The following PDE11A variants were observed in gnomAD, a reference collection of about 807,000 sequenced individuals.
The protein encoded by PDE11A is phosphodiesterase 11A, also known as dual 3',5'-cyclic-AMP and -GMP phosphodiesterase 11A.
A neutral mutation model predicts 100.5 loss-of-function variants in PDE11A; 100 were observed. That is an observed-to-expected ratio of 1.00 (90% CI 0.85 to 1.18). The LOEUF (loss-of-function observed/expected upper bound fraction) is 1.18. Among genes scored for constraint, PDE11A ranks in the 50% most tolerant of loss-of-function variants. The pLI is 0.00. For synonymous variants in PDE11A, 381 were observed against 420.8 expected (o/e 0.91, Z 1.16); for missense variants, 1,141 against 1,152.6 (o/e 0.99, Z 0.15).
At chr2:177,829,057 T>C (rs957294310) in intron 6 of PDE11A, among the ~76,000 whole-genome samples, 3 of 151,744 alleles carry the variant, frequency 2.0e-5, no homozygotes, top group Admixed American at 6.6e-5. Flanking sequence ...CTGGATAAAT[T>C]AAGCAATTGG....
intron 5 of PDE11A, among the ~76,000 whole-genome samples, chr2:177,846,216 C>A (rs576266259): frequency 5.9e-5 from 9 of 152,126 alleles, no homozygotes; most frequent in Admixed American, 6.5e-5. Flanking sequence ...AATCAAATGT[C>A]CCCTTTGCTG....
At chr2:177,955,978 AC>A (rs1485704125) in intron 2 of PDE11A, among the ~76,000 whole-genome samples, 5 of 152,194 alleles carry the variant, frequency 3.3e-5, no homozygotes, top group African/African-American at 1.2e-4. Context: ...CCTAGGCAAT[AC>A]CATTCAGGAC....
intron 2 of PDE11A, among the ~76,000 whole-genome samples, chr2:177,994,765 G>A (rs1362927830): frequency 6.6e-6 from 1 of 152,072 alleles, no homozygotes; most frequent in Non-Finnish European, 1.5e-5. Flanking sequence ...CTGATCAGAA[G>A]TTTGCCATAA....
chr2:177,630,895 T>C (rs1435195212), intron 19 of PDE11A, among the ~76,000 whole-genome samples: 1 of 152,158 alleles, frequency 6.6e-6, no homozygotes. Context: ...TTTGATGACA[T>C]TTAACTTTTA....
chr2:177,851,827 T>C (rs2083715790), intron 5 of PDE11A, among the ~76,000 whole-genome samples: 1 of 152,162 alleles, frequency 6.6e-6, no homozygotes, highest in Non-Finnish European at 1.5e-5. Flanking sequence ...GGGTTTGTTG[T>C]ATGGATTATT....
At chr2:177,786,612 C>A (rs1487939877) in intron 9 of PDE11A, among the ~76,000 whole-genome samples, 4 of 152,046 alleles carry the variant, frequency 2.6e-5, no homozygotes, top group Admixed American at 2.0e-4. Context: ...GAAATTCAAA[C>A]CAAAGGCAAA....
In PDE11A at chr2:177,842,620, C is replaced by T. The variant is rs571974997; in HGVS notation, c.1368-2237G>A. On this transcript the variant is annotated intron_variant, in intron 5 of 19. Transcript: ENST00000286063. ...GAAAGCTTAATCCAGGTACAATGAGCAAGAAGAACTGGGTAAGAGACACTG... is the reference window on the plus strand; with the variant it reads ...GAAAGCTTAATCCAGGTACAATGAGTAAGAAGAACTGGGTAAGAGACACTG... 1.2e-4 allele frequency among the ~76,000 whole-genome samples: 18 copies of T among 152,214 alleles called. No individual in the cohort carries two copies. In the South Asian group the frequency reaches 3.7e-3, roughly 32 times the overall value.
chr2:177,769,226 T>C (rs556071651), intron 10 of PDE11A, 97 bp downstream of exon 10: 2 of 794,804 alleles, frequency 2.5e-6, no homozygotes, highest in African/African-American at 3.4e-5. Context: ...CAGCTCCCAA[T>C]GGGCAGGATT....
chr2:178,090,128 T>C (rs1286414086), intron 2 of PDE11A, among the ~76,000 whole-genome samples: 1 of 152,206 alleles, frequency 6.6e-6, no homozygotes, highest in Non-Finnish European at 1.5e-5. Flanking sequence ...CTGAGGACTA[T>C]ATACAGAATA....
At chr2:177,658,942 T>C (rs2080432476) in intron 19 of PDE11A, among the ~76,000 whole-genome samples, 1 of 152,122 alleles carries the variant, frequency 6.6e-6, no homozygotes, top group Non-Finnish European at 1.5e-5. Context: ...ATGTGGAATG[T>C]ATTTTTCAAA....
chr2:178,045,448 T>C (rs1292813157), intron 1 of PDE11A, among the ~76,000 whole-genome samples: 1 of 152,164 alleles, frequency 6.6e-6, no homozygotes, highest in Non-Finnish European at 1.5e-5. Context: ...TCTCACAACT[T>C]TGGTAAAGAG....
intron 4 of PDE11A, among the ~76,000 whole-genome samples, chr2:177,880,986 G>C (rs776489461): frequency 4.6e-5 from 7 of 152,156 alleles, no homozygotes; most frequent in Non-Finnish European, 7.4e-5. Flanking sequence ...ATTATTTTTG[G>C]GTGGTCTGTG....
intron 5 of PDE11A, among the ~76,000 whole-genome samples, chr2:177,847,361 C>G (rs1469215083): frequency 6.6e-6 from 1 of 152,174 alleles, no homozygotes; most frequent in African/African-American, 2.4e-5. Flanking sequence ...AATTAACCAA[C>G]TTTCTTGAGT....
intron 2 of PDE11A, among the ~76,000 whole-genome samples, chr2:177,989,442 C>T (rs974070688): frequency 1.3e-5 from 2 of 152,158 alleles, no homozygotes; most frequent in African/African-American, 4.8e-5. Flanking sequence ...CTCTGTAAAA[C>T]AGAGGATACT....
At chr2:177,919,381 G>C (rs900868075) in intron 2 of PDE11A, among the ~76,000 whole-genome samples, 1 of 152,120 alleles carries the variant, frequency 6.6e-6, no homozygotes, top group African/African-American at 2.4e-5. Flanking sequence ...ACATATGTGA[G>C]CCACTGCGCC....
At chr2:177,886,238 A>G (rs568764630) in intron 4 of PDE11A, among the ~76,000 whole-genome samples, 1 of 152,252 alleles carries the variant, frequency 6.6e-6, no homozygotes, top group Non-Finnish European at 1.5e-5. Context: ...GCAGCCAGCT[A>G]TGGAGCAATC....
At chr2:178,035,680 C>T (rs1406362352) in intron 1 of PDE11A, among the ~76,000 whole-genome samples, 5 of 152,150 alleles carry the variant, frequency 3.3e-5, no homozygotes, top group African/African-American at 9.7e-5. Flanking sequence ...TTATCCAACA[C>T]GATCAAGTTG....
At chr2:177,702,989 T>C (rs1348163332) in intron 13 of PDE11A, among the ~76,000 whole-genome samples, 2 of 152,126 alleles carry the variant, frequency 1.3e-5, no homozygotes, top group African/African-American at 4.8e-5. Flanking sequence ...AAGACACGTG[T>C]TTCAAAACGT....
At chr2:177,954,869 C>G (rs1238239756) in intron 2 of PDE11A, among the ~76,000 whole-genome samples, 1 of 152,042 alleles carries the variant, frequency 6.6e-6, no homozygotes, top group African/African-American at 2.4e-5. Flanking sequence ...GGAGCTCTGT[C>G]ATAGGGAATC....
Sources: gnomAD v4.1 joint callset for allele counts (sites outside exome capture counted in the v4.1 genomes callset) on GRCh38, gnomAD v4.1.1 for gene constraint, MANE v1.5 for transcripts, NCBI Gene and HGNC (gene_info 2026-07-23, HGNC 2026-07-21) for gene names.